The following AFG1L variants were observed in gnomAD, a reference collection of about 807,000 sequenced individuals.
AFG1L encodes the protein AFG1-like ATPase.
Under a neutral mutation model 62.2 loss-of-function variants are expected in AFG1L, and 53 were observed. That is an observed-to-expected ratio of 0.85 (90% CI 0.68 to 1.07). The LOEUF (loss-of-function observed/expected upper bound fraction) is 1.07, where lower values mean the gene tolerates loss of function less well. AFG1L is among the 50% of genes least tolerant of loss of function. The pLI is 0.00. For synonymous variants in AFG1L, 228 were observed against 210.3 expected, an observed-to-expected ratio of 1.08 and a Z score of -0.73; for missense variants, 555 against 590.5, an observed-to-expected ratio of 0.94 and a Z score of 0.62.
At chr6:108,335,475 C>T (rs1281268169) in intron 2 of AFG1L, among the ~76,000 whole-genome samples, 1 of 152,186 alleles carries the variant, frequency 6.6e-6, no homozygotes, top group African/African-American at 2.4e-5. Flanking sequence ...ACGTATGTCT[C>T]TGTGAATATG....
intron 7 of AFG1L, among the ~76,000 whole-genome samples, chr6:108,419,356 T>G (rs1043087017): frequency 2.6e-5 from 4 of 152,166 alleles, no homozygotes; most frequent in Non-Finnish European, 4.4e-5. Flanking sequence ...AAATTTCTTC[T>G]TAAAATTAAA....
At chr6:108,475,630 C>A (rs1773075936) in intron 8 of AFG1L, among the ~76,000 whole-genome samples, 1 of 152,126 alleles carries the variant, frequency 6.6e-6, no homozygotes, top group Non-Finnish European at 1.5e-5. Flanking sequence ...TCATGGAAGT[C>A]AAATAGCATT....
At chr6:108,388,145 T>C (rs1054008874) in intron 6 of AFG1L, 2 of 152,208 alleles carry the variant, frequency 1.3e-5, no homozygotes, top group African/African-American at 4.8e-5. Flanking sequence ...AGGATGATTC[T>C]GGTCACTGCC....
intron 3 of AFG1L, among the ~76,000 whole-genome samples, chr6:108,353,969 A>T (rs990385000): frequency 6.6e-6 from 1 of 152,204 alleles, no homozygotes; most frequent in Non-Finnish European, 1.5e-5. Flanking sequence ...TAAGACTTAG[A>T]TCTTCCTACT....
In AFG1L at chr6:108,356,814, A is replaced by T; in HGVS notation, c.642A>T (p.Glu214Asp). ...SEEACLLCFD[E>D]FQVTDIADAM... ...AAGCATGTCTCCTATGTTTTGATGAATTTCAGGTAAAGTAGAGATTTTTCA... is the reference window on the plus strand; with the variant it reads ...AAGCATGTCTCCTATGTTTTGATGATTTTCAGGTAAAGTAGAGATTTTTCA... The change falls in exon 5 of 13, where the codon GAA becomes GAT. Residue 214 changes from glutamate to aspartate, a missense_variant. Physicochemically the swap from Glu to Asp is conservative, Grantham distance 45. Coordinates refer to ENST00000368977, the MANE Select transcript of AFG1L (RefSeq NM_145315.5). The T allele has an allele frequency of 6.2e-7, 1 of 1,610,264 alleles. No homozygotes were observed. The highest frequency in any genetic ancestry group is 8.5e-7 in the Non-Finnish European group (1 of 1,178,796).
chr6:108,473,661 G>A (rs929265646), intron 8 of AFG1L, among the ~76,000 whole-genome samples: 5 of 152,138 alleles, frequency 3.3e-5, no homozygotes, highest in Non-Finnish European at 5.9e-5. Context: ...GGGTTCAAGC[G>A]ATTCTCCTGC....
intron 5 of AFG1L, among the ~76,000 whole-genome samples, chr6:108,364,864 C>CAAAAAAAAA (rs1562110488): frequency 1.2e-5 from 1 of 84,296 alleles, no homozygotes; most frequent in African/African-American, 7.5e-5. Flanking sequence ...CCTGAGACAG[C>CAAAAAAAAA]CAAAAAAAAA....
intron 6 of AFG1L, among the ~76,000 whole-genome samples, chr6:108,379,627 G>C (rs1224364463): frequency 6.6e-6 from 1 of 152,240 alleles, no homozygotes; most frequent in Non-Finnish European, 1.5e-5. Context: ...CTAGTGCCAA[G>C]AGAGAATCCA....
At chr6:108,456,192 A>G (rs1772245420) in intron 8 of AFG1L, among the ~76,000 whole-genome samples, 1 of 152,120 alleles carries the variant, frequency 6.6e-6, no homozygotes, top group South Asian at 2.1e-4. Flanking sequence ...AATGAACCTC[A>G]TTATTCCTGG....
Position 108,522,501 on chromosome 6 carries a change from A to T in AFG1L, c.*76A>T. ...AACTCCTTATTGTGGGACTTGAAGGAATCATTTTCTCATCATTAATTATGC... is the reference window on the plus strand; with the variant it reads ...AACTCCTTATTGTGGGACTTGAAGGTATCATTTTCTCATCATTAATTATGC... On this transcript the variant is annotated 3_prime_UTR_variant, in exon 13 of 13. Transcript: ENST00000368977. 3.4e-6 allele frequency: 5 copies of T among 1,476,194 alleles called. No individual in the cohort carries two copies. Among genetic ancestry groups the T allele is most frequent in the Non-Finnish European group, 4.6e-6 (5 of 1,087,598 alleles). The allele number at this position is 1,476,194 out of a possible 1,614,324, so 91.4% of individuals were successfully genotyped here.
At chr6:108,351,552 T>C (rs1463057491) in intron 3 of AFG1L, among the ~76,000 whole-genome samples, 2 of 152,214 alleles carry the variant, frequency 1.3e-5, no homozygotes, top group Non-Finnish European at 2.9e-5. Flanking sequence ...TTTATGCCTT[T>C]TATTTCTTTT....
At chr6:108,492,943 C>T (rs563864964) in intron 10 of AFG1L, among the ~76,000 whole-genome samples, 2 of 152,028 alleles carry the variant, frequency 1.3e-5, no homozygotes, top group Non-Finnish European at 2.9e-5. Flanking sequence ...TAATTATACA[C>T]ACACACACAC....
At chr6:108,404,990 A>G (rs1236096144) in intron 7 of AFG1L, among the ~76,000 whole-genome samples, 1 of 152,162 alleles carries the variant, frequency 6.6e-6, no homozygotes, top group African/African-American at 2.4e-5. Context: ...TTGGCCTCCC[A>G]AAGTGCTGGG....
intron 6 of AFG1L, among the ~76,000 whole-genome samples, chr6:108,393,796 T>G (rs1049404791): frequency 1.3e-5 from 2 of 152,326 alleles, no homozygotes; most frequent in Non-Finnish European, 2.9e-5. Flanking sequence ...TAATAATCAC[T>G]AATTATATGT....
rs528471642 is a variant in AFG1L, at chr6:108,346,145, T to C, written c.364-843T>C. ...CTAAGAGGGGCTTCACAGCATTTTTTCCAATTTCCTTTTGTGGTAAATACA... is the reference window on the plus strand; with the variant it reads ...CTAAGAGGGGCTTCACAGCATTTTTCCCAATTTCCTTTTGTGGTAAATACA... On this transcript the variant is annotated intron_variant, in intron 2 of 12. Coordinates refer to ENST00000368977, the MANE Select transcript of AFG1L (RefSeq NM_145315.5). 7.2e-5 allele frequency among the ~76,000 whole-genome samples: 11 copies of C among 152,322 alleles called. No individual in the cohort carries two copies. In the East Asian group the frequency reaches 2.1e-3, roughly 29 times the overall value.
intron 1 of AFG1L, chr6:108,319,818 G>T: frequency 2.3e-6 from 1 of 429,198 alleles, no homozygotes; most frequent in Non-Finnish European, 4.7e-6. Context: ...TATTTATTTT[G>T]AGACATAAGT....
chr6:108,299,179 T>G (rs1776884509), intron 1 of AFG1L, among the ~76,000 whole-genome samples: 1 of 151,850 alleles, frequency 6.6e-6, no homozygotes, highest in Non-Finnish European at 1.5e-5. Context: ...GAGAATCGCT[T>G]GAACCCAGGC....
chr6:108,357,787 T>C (rs1443241858), intron 5 of AFG1L, among the ~76,000 whole-genome samples: 1 of 152,222 alleles, frequency 6.6e-6, no homozygotes, highest in African/African-American at 2.4e-5. Flanking sequence ...CTGTGTTTTA[T>C]AATCTGGATT....
intron 10 of AFG1L, among the ~76,000 whole-genome samples, chr6:108,485,646 ATATATATATATTTTTTTTT>A (rs1411264658): frequency 3.4e-4 from 7 of 20,448 alleles, no homozygotes; most frequent in South Asian, 2.4e-3. Flanking sequence ...ATATATATAT[ATATATATATATTTTTTTTT>A]TTTTTTTTTT....
Sources: allele counts gnomAD v4.1 joint callset (sites outside exome capture counted in the v4.1 genomes callset), GRCh38; gene constraint gnomAD v4.1.1; transcripts MANE v1.5; gene names NCBI Gene and HGNC (gene_info 2026-07-23, HGNC 2026-07-21).